Variants in ALCAM observed in about 807,000 individuals in gnomAD.
ALCAM encodes CD166 antigen.
In ALCAM, 30 loss-of-function variants were observed where a neutral mutation model predicts 70.9. The observed-to-expected ratio is 0.42, with a 90% CI of 0.32 to 0.57. ALCAM has a LOEUF of 0.57. Ranked by LOEUF, ALCAM falls within the 20% of genes least tolerant of loss-of-function variation. The probability of loss-of-function intolerance (pLI) is 0.11; values close to 1 mark genes in which losing one functional copy is unlikely to be tolerated. For synonymous variants in ALCAM, 249 were observed against 242.5 expected, an observed-to-expected ratio of 1.03 and a Z score of -0.25; for missense variants, 591 against 695.1, an observed-to-expected ratio of 0.85 and a Z score of 1.68.
At chr3:105,569,646 G>A (rs1940822060) in intron 14 of ALCAM, among the ~76,000 whole-genome samples, 1 of 152,158 alleles carries the variant, frequency 6.6e-6, no homozygotes, top group South Asian at 2.1e-4. Flanking sequence ...CAACTTAGTA[G>A]AATAATGATC....
At chr3:105,471,424 A>G (rs1015847254) in intron 1 of ALCAM, among the ~76,000 whole-genome samples, 4 of 151,316 alleles carry the variant, frequency 2.6e-5, no homozygotes, top group Non-Finnish European at 5.9e-5. Flanking sequence ...AAATGGGTCC[A>G]GGTAAAAGGG....
chr3:105,401,196 G>T (rs1173972773), intron 1 of ALCAM, among the ~76,000 whole-genome samples: 1 of 152,194 alleles, frequency 6.6e-6, no homozygotes, highest in Non-Finnish European at 1.5e-5. Flanking sequence ...CACCTTAGTA[G>T]CTGATGATCC....
chr3:105,451,666 A>G (rs1392155823), intron 1 of ALCAM, among the ~76,000 whole-genome samples: 3 of 152,372 alleles, frequency 2.0e-5, no homozygotes, highest in Middle Eastern at 3.4e-3. Context: ...GAACATAACA[A>G]TTGAAAACTT....
At chr3:105,513,764 G>A (rs1450489554) in intron 1 of ALCAM, among the ~76,000 whole-genome samples, 2 of 151,950 alleles carry the variant, frequency 1.3e-5, no homozygotes, top group Admixed American at 6.6e-5. Flanking sequence ...GAATCCAAAT[G>A]CTAGTGTTGA....
intron 1 of ALCAM, among the ~76,000 whole-genome samples, chr3:105,455,098 A>G (rs1559797291): frequency 1.3e-5 from 2 of 152,282 alleles, no homozygotes; most frequent in East Asian, 3.9e-4. Context: ...AATGTTATTT[A>G]TAAGCTTGGT....
intron 1 of ALCAM, among the ~76,000 whole-genome samples, chr3:105,491,103 C>T (rs1200490219): frequency 6.6e-6 from 1 of 152,230 alleles, no homozygotes; most frequent in Non-Finnish European, 1.5e-5. Flanking sequence ...TGTGCACCTG[C>T]AGGCTGAACA....
intron 6 of ALCAM, among the ~76,000 whole-genome samples, chr3:105,537,354 C>T (rs1939996204): frequency 6.6e-6 from 1 of 152,086 alleles, no homozygotes; most frequent in Non-Finnish European, 1.5e-5. Flanking sequence ...TCTCTGTTCA[C>T]CCCCAAATAA....
At chr3:105,390,007 T>C (rs950418399) in intron 1 of ALCAM, among the ~76,000 whole-genome samples, 8 of 151,992 alleles carry the variant, frequency 5.3e-5, no homozygotes, top group Admixed American at 4.6e-4. Flanking sequence ...TTAGGTTGAT[T>C]CCATGTCTTT....
At chr3:105,543,347 T>C (rs528027113) in intron 8 of ALCAM, among the ~76,000 whole-genome samples, 1 of 151,850 alleles carries the variant, frequency 6.6e-6, no homozygotes, top group East Asian at 1.9e-4. Flanking sequence ...CATCTTGGTT[T>C]TGACAGGTAG....
chr3:105,543,722 G>A (rs1035860547), intron 8 of ALCAM, among the ~76,000 whole-genome samples: 29 of 151,684 alleles, frequency 1.9e-4, no homozygotes, highest in African/African-American at 6.8e-4. Flanking sequence ...TCATTGTCCT[G>A]TAAAATTGTT....
chr3:105,565,054 G>C (rs1940712884), intron 14 of ALCAM, among the ~76,000 whole-genome samples: 1 of 151,868 alleles, frequency 6.6e-6, no homozygotes, highest in African/African-American at 2.4e-5. Context: ...CAGAGGCTAA[G>C]GTGGGATGAT....
chr3:105,495,616 C>T (rs62260776), intron 1 of ALCAM, among the ~76,000 whole-genome samples: 23,803 of 152,004 alleles, frequency 0.16, 2,132 homozygotes, highest in Non-Finnish European at 0.21. Context: ...ATATGAAGAA[C>T]CTGAGGTTGT....
intron 1 of ALCAM, among the ~76,000 whole-genome samples, chr3:105,436,797 G>A (rs1273337214): frequency 6.6e-6 from 1 of 152,140 alleles, no homozygotes. Flanking sequence ...GGGGAATGAA[G>A]TCAACTTTCC....
At chr3:105,372,152 C>T (rs539362542) in intron 1 of ALCAM, among the ~76,000 whole-genome samples, 5 of 152,064 alleles carry the variant, frequency 3.3e-5, no homozygotes, top group African/African-American at 1.2e-4. Flanking sequence ...ATTTTCCTTT[C>T]CTTGTGGAGA....
chr3:105,453,228 C>A (rs1289008796), intron 1 of ALCAM, among the ~76,000 whole-genome samples: 1 of 152,260 alleles, frequency 6.6e-6, no homozygotes, highest in East Asian at 1.9e-4. Context: ...AGTCTTTAAT[C>A]CATCTTGAGT....
intron 14 of ALCAM, among the ~76,000 whole-genome samples, 189 bp from the exon 15 acceptor site, chr3:105,571,663 A>G (rs1576248773): frequency 6.6e-6 from 1 of 152,288 alleles, no homozygotes; most frequent in South Asian, 2.1e-4. Context: ...CTGGAACCCC[A>G]TCACCAAGCT....
At chr3:105,401,495 G>A (rs772437863) in intron 1 of ALCAM, among the ~76,000 whole-genome samples, 1 of 152,122 alleles carries the variant, frequency 6.6e-6, no homozygotes, top group Non-Finnish European at 1.5e-5. Flanking sequence ...CAGTGCGGTT[G>A]TTTATTCATT....
At position 105,524,471 on chromosome 3, in the gene ALCAM, C is replaced by A; in HGVS notation, c.357C>A (p.Asp119Glu). Residue 119 changes from aspartate to glutamate, a missense_variant, in exon 3 of 16, where the codon GAC becomes GAA. Around this residue, in one of 2 missense-constraint regions of ALCAM, gnomAD observed 427 missense variants for 450.4 expected, o/e 0.95. Transcript: ENST00000306107. ...KRFVCMLVTE[D>E]NVFEAPTIVK... ...TTGTGTGCATGCTAGTAACTGAGGA[C>A]AACGTGTTTGAGGCACCTACAATAG... 6.2e-7 allele frequency: 1 copy of A among 1,614,072 alleles called. No homozygotes were observed. The highest frequency in any genetic ancestry group is 8.5e-7 in the Non-Finnish European group (1 of 1,179,974).
intron 1 of ALCAM, among the ~76,000 whole-genome samples, chr3:105,407,592 T>C (rs781363687): frequency 1.3e-5 from 2 of 152,180 alleles, no homozygotes; most frequent in Non-Finnish European, 2.9e-5. Context: ...AAGCCATCTA[T>C]GACAAACCCA....
Sources: allele counts gnomAD v4.1 joint callset (sites outside exome capture counted in the v4.1 genomes callset), GRCh38; gene constraint gnomAD v4.1.1; regional missense constraint gnomAD v4.1.1; transcripts MANE v1.5; gene names NCBI Gene and HGNC (gene_info 2026-07-23, HGNC 2026-07-21).